The following RAD54L2 variants were observed in gnomAD, a reference collection of about 807,000 sequenced individuals.
RAD54L2 encodes helicase ARIP4.
In RAD54L2, 27 loss-of-function variants were observed where a neutral mutation model predicts 138.4. That is an observed-to-expected ratio of 0.20 (90% confidence interval 0.14 to 0.27). The LOEUF is 0.27. Ranked by LOEUF, RAD54L2 falls within the 10% of genes least tolerant of loss-of-function variation. The pLI is 1.00. For synonymous variants in RAD54L2, 644 were observed against 723.2 expected (o/e 0.89, Z 1.76); for missense variants, 1,396 against 1,890.2 (o/e 0.74, Z 4.85).
intron 3 of RAD54L2, among the ~76,000 whole-genome samples, chr3:51,612,485 CAAACAA>C (rs1700352485): frequency 6.6e-6 from 1 of 151,870 alleles, no homozygotes; most frequent in African/African-American, 2.4e-5. Context: ...ACAAAACAAA[CAAACAA>C]AAAAGAATCA....
intron 7 of RAD54L2, among the ~76,000 whole-genome samples, chr3:51,631,848 G>A (rs371724421): frequency 3.3e-5 from 5 of 152,126 alleles, no homozygotes; most frequent in East Asian, 3.9e-4. Flanking sequence ...TGCCTAGTCC[G>A]GTTTTGAAGT....
At chr3:51,612,406 G>T (rs1489210874) in intron 3 of RAD54L2, among the ~76,000 whole-genome samples, 1 of 152,174 alleles carries the variant, frequency 6.6e-6, no homozygotes, top group Non-Finnish European at 1.5e-5. Context: ...AGGTTGTGGT[G>T]AGCTGAGATT....
chr3:51,590,992 G>C (rs1343694659), intron 3 of RAD54L2, among the ~76,000 whole-genome samples: 1 of 152,142 alleles, frequency 6.6e-6, no homozygotes, highest in Non-Finnish European at 1.5e-5. Context: ...GTGTACATGA[G>C]GGAATTGTCC....
intron 3 of RAD54L2, among the ~76,000 whole-genome samples, chr3:51,621,798 A>G (rs1700575909): frequency 6.6e-6 from 1 of 152,234 alleles, no homozygotes; most frequent in African/African-American, 2.4e-5. Flanking sequence ...GGACCCAGCA[A>G]AACACTAAGT....
chr3:51,660,809 A>G (rs906523639), intron 22 of RAD54L2, among the ~76,000 whole-genome samples: 12 of 150,320 alleles, frequency 8.0e-5, no homozygotes, highest in Non-Finnish European at 1.5e-4. Flanking sequence ...TTTAGTAGAG[A>G]TTGGGTTTCA....
rs1357005984 is a variant in RAD54L2 at position 51,664,749 on chromosome 3, G to C, written c.*1329G>C. 1 of 152,190 alleles carries C rather than the reference G, an allele frequency of 6.6e-6. No homozygotes were observed. The highest frequency in any genetic ancestry group is 1.5e-5 in the Non-Finnish European group (1 of 68,032). The allele number at this position is 152,190 out of a possible 1,614,324, so 9.4% of individuals were successfully genotyped here. A position where few individuals can be genotyped will look rare whatever the true frequency, so the allele number is the denominator to read the frequency against. On this transcript the variant is annotated 3_prime_UTR_variant, in exon 23 of 23. Coordinates refer to ENST00000684192, the MANE Select transcript of RAD54L2 (RefSeq NM_015106.4). ...TTTCAGGAAGATCAGGGAATCCTGA[G>C]ACTGGATAGTTAGTGGAGGGTGGGA...
chr3:51,590,697 A>C (rs1699821630), intron 3 of RAD54L2, 138 bp downstream of exon 3: 1 of 1,178,730 alleles, frequency 8.5e-7, no homozygotes, highest in Admixed American at 2.0e-5. Flanking sequence ...ACTGAGATGC[A>C]ATGAATTCAG....
At chr3:51,544,616 T>G (rs1175252993) in intron 2 of RAD54L2, among the ~76,000 whole-genome samples, 7 of 152,082 alleles carry the variant, frequency 4.6e-5, no homozygotes, top group Non-Finnish European at 7.4e-5. Flanking sequence ...CTTGATTGAT[T>G]GATTGGAGAT....
At chr3:51,619,817 G>T (rs1397068279) in intron 3 of RAD54L2, among the ~76,000 whole-genome samples, 2 of 152,026 alleles carry the variant, frequency 1.3e-5, no homozygotes, top group Admixed American at 1.3e-4. Flanking sequence ...TATCTACATT[G>T]CTCTTGACTG....
At chr3:51,540,623 G>A (rs1698526297) in intron 1 of RAD54L2, among the ~76,000 whole-genome samples, 1 of 152,174 alleles carries the variant, frequency 6.6e-6, no homozygotes, top group South Asian at 2.1e-4. Flanking sequence ...AGGAAATATA[G>A]CCTAACTGGA....
chr3:51,651,121 G>A (rs1293420041), intron 19 of RAD54L2, among the ~76,000 whole-genome samples: 7 of 151,970 alleles, frequency 4.6e-5, no homozygotes, highest in Non-Finnish European at 8.8e-5. Context: ...CTGATCCTAC[G>A]GAAATACAAA....
intron 3 of RAD54L2, among the ~76,000 whole-genome samples, chr3:51,606,317 GACT>G (rs1700178738): frequency 6.6e-6 from 1 of 152,206 alleles, no homozygotes; most frequent in African/African-American, 2.4e-5. Context: ...GAGGCAGAGA[GACT>G]ATGTGGAAGT....
rs974880719 is a variant in RAD54L2, at chr3:51,548,561, G to A, written c.-55+6911G>A. ...GCAAATATCCCCATTGTACAGATGA[G>A]GAAGCAAACCCGAAAAGGTGAAGTG... On this transcript the variant is annotated intron_variant, in intron 2 of 22. Coordinates refer to ENST00000684192, the MANE Select transcript of RAD54L2 (RefSeq NM_015106.4). Among the ~76,000 whole-genome samples, 16 of 152,090 alleles carry A rather than the reference G, an allele frequency of 1.1e-4. 1 individual carries two copies. The highest frequency in any genetic ancestry group is 2.4e-5 in the African/African-American group (1 of 41,440).
intron 2 of RAD54L2, among the ~76,000 whole-genome samples, chr3:51,577,876 ATTCCTATTTGGCCATC>A (rs1474198306): frequency 6.6e-6 from 1 of 152,056 alleles, no homozygotes; most frequent in East Asian, 1.9e-4. Context: ...GACTGGAGCT[ATTCCTATTTGGCCATC>A]TTGGAACCTC....
intron 7 of RAD54L2, among the ~76,000 whole-genome samples, chr3:51,632,186 T>C (rs1700861963): frequency 1.3e-5 from 2 of 152,262 alleles, no homozygotes; most frequent in African/African-American, 4.8e-5. Flanking sequence ...TAATATTCCA[T>C]TGTGCATAGG....
intron 4 of RAD54L2, among the ~76,000 whole-genome samples, 174 bp from the exon 5 acceptor site, chr3:51,629,160 T>C (rs1394810116): frequency 6.6e-6 from 1 of 152,190 alleles, no homozygotes; most frequent in Non-Finnish European, 1.5e-5. Context: ...CATCTGAGTT[T>C]GATATCCTGT....
chr3:51,647,730 C>T (rs1008949391), intron 19 of RAD54L2, among the ~76,000 whole-genome samples: 6 of 152,076 alleles, frequency 3.9e-5, no homozygotes, highest in Non-Finnish European at 7.4e-5. Flanking sequence ...TCAGACTGGT[C>T]TTGAACTCCT....
chr3:51,583,711 G>A (rs1002471965), intron 2 of RAD54L2, among the ~76,000 whole-genome samples: 8 of 151,734 alleles, frequency 5.3e-5, no homozygotes, highest in African/African-American at 1.9e-4. Context: ...ACAGGCATGA[G>A]CCACCACGCC....
chr3:51,663,433 T>A lies in RAD54L2; in HGVS notation c.*13T>A. The A allele has an allele frequency of 6.2e-7, 1 of 1,602,520 alleles. No individual in the cohort carries two copies. The highest frequency in any genetic ancestry group is 1.3e-5 in the African/African-American group (1 of 74,628). ...CACTGGGAAATAGCTAGGGAGCCCC[T>A]CCCCACCTCACTTGGGGCCCCCAGC... On this transcript the variant is annotated 3_prime_UTR_variant, in exon 23 of 23. Coordinates refer to ENST00000684192, the MANE Select transcript of RAD54L2 (RefSeq NM_015106.4).
Sources: gnomAD v4.1 joint callset for allele counts (sites outside exome capture counted in the v4.1 genomes callset) on GRCh38, gnomAD v4.1.1 for gene constraint, MANE v1.5 for transcripts, NCBI Gene and HGNC (gene_info 2026-07-23, HGNC 2026-07-21) for gene names.